DENND1B: variants seen among roughly 807,000 people sequenced by gnomAD.
The protein encoded by DENND1B is DENN domain-containing protein 1B.
A neutral mutation model predicts 90.1 loss-of-function variants in DENND1B; 59 were observed. That is an observed-to-expected ratio of 0.65 (90% CI 0.53 to 0.81). The LOEUF (loss-of-function observed/expected upper bound fraction) is 0.81. DENND1B is among the 40% of genes least tolerant of loss of function. DENND1B has a pLI of 0.00. For synonymous variants in DENND1B, 337 were observed against 324.6 expected (o/e 1.04, Z -0.41); for missense variants, 862 against 912.6 (o/e 0.94, Z 0.71).
At chr1:197,645,606 T>C (rs1400382297) in intron 9 of DENND1B, 84 bp downstream of exon 9, 1 of 665,698 alleles carries the variant, frequency 1.5e-6, no homozygotes, top group Non-Finnish European at 2.4e-6. Flanking sequence ...CCTATTTCTC[T>C]ATATAAAAAC....
intron 14 of DENND1B, among the ~76,000 whole-genome samples, chr1:197,594,323 T>C (rs1214284034): frequency 2.6e-5 from 4 of 152,128 alleles, no homozygotes; most frequent in Admixed American, 6.5e-5. Flanking sequence ...GAGTTTACAA[T>C]TGAGTTTAAC....
intron 2 of DENND1B, among the ~76,000 whole-genome samples, chr1:197,739,177 T>C (rs1255946956): frequency 6.6e-6 from 1 of 152,186 alleles, no homozygotes; most frequent in Non-Finnish European, 1.5e-5. Context: ...GAAAACCTCA[T>C]AATCAACAAG....
intron 10 of DENND1B, among the ~76,000 whole-genome samples, chr1:197,619,958 GA>G (rs1486348450): frequency 6.6e-6 from 1 of 151,056 alleles, no homozygotes; most frequent in Non-Finnish European, 1.5e-5. Flanking sequence ...ACAAGGAGAG[GA>G]AAAAATATAT....
intron 2 of DENND1B, among the ~76,000 whole-genome samples, chr1:197,753,737 A>T (rs1653877164): frequency 6.6e-6 from 1 of 152,118 alleles, no homozygotes; most frequent in African/African-American, 2.4e-5. Flanking sequence ...GCGGTGGCTC[A>T]CGCCTATAAT....
At chr1:197,513,509 A>G (rs968004739) in intron 20 of DENND1B, among the ~76,000 whole-genome samples, 3 of 55,764 alleles carry the variant, frequency 5.4e-5, no homozygotes, top group Non-Finnish European at 1.2e-4. Flanking sequence ...GGTAAGGTCA[A>G]TACTGCTGAA....
At chr1:197,669,367 C>G (rs1403863738) in intron 5 of DENND1B, among the ~76,000 whole-genome samples, 1 of 152,062 alleles carries the variant, frequency 6.6e-6, no homozygotes, top group Non-Finnish European at 1.5e-5. Context: ...GGACTAAAAG[C>G]ACCATAACTC....
At chr1:197,597,251 C>G (rs1045559246) in intron 13 of DENND1B, among the ~76,000 whole-genome samples, 1 of 151,722 alleles carries the variant, frequency 6.6e-6, no homozygotes, top group Non-Finnish European at 1.5e-5. Context: ...TCTGAAACTT[C>G]TAATGCTACT....
intron 2 of DENND1B, among the ~76,000 whole-genome samples, chr1:197,733,492 C>T (rs1329804748): frequency 1.3e-5 from 2 of 151,932 alleles, no homozygotes; most frequent in African/African-American, 4.8e-5. Context: ...GTTTTTTTTC[C>T]TCTCTCATAA....
intron 15 of DENND1B, among the ~76,000 whole-genome samples, chr1:197,580,077 T>G (rs1427279353): frequency 8.0e-6 from 1 of 124,576 alleles, no homozygotes; most frequent in Admixed American, 9.1e-5. Flanking sequence ...TTTCTTTCTT[T>G]TCTTTCTTTC....
intron 10 of DENND1B, among the ~76,000 whole-genome samples, chr1:197,624,115 A>AACACAATTCTGAAAGAACAAAGTTGGAG (rs1678428031): frequency 4.6e-5 from 7 of 151,746 alleles, no homozygotes; most frequent in Admixed American, 1.3e-4. Flanking sequence ...CAGAATAGTC[A>AACACAATTCTGAAAGAACAAAGTTGGAG]ACACAATTCT....
intron 20 of DENND1B, among the ~76,000 whole-genome samples, chr1:197,513,549 T>G (rs1668187412): frequency 6.6e-6 from 1 of 151,340 alleles, no homozygotes; most frequent in Non-Finnish European, 1.5e-5. Context: ...AATCATTAAG[T>G]TTTTGAAGCA....
intron 15 of DENND1B, among the ~76,000 whole-genome samples, chr1:197,577,211 G>C (rs929605368): frequency 6.6e-6 from 1 of 152,142 alleles, no homozygotes; most frequent in Non-Finnish European, 1.5e-5. Context: ...GACATGAACA[G>C]AGCTCTAAAG....
At chr1:197,625,573 A>C (rs1210438541) in intron 10 of DENND1B, among the ~76,000 whole-genome samples, 3 of 152,134 alleles carry the variant, frequency 2.0e-5, no homozygotes, top group Non-Finnish European at 4.4e-5. Flanking sequence ...CCAAATTGTA[A>C]AGACCATCGA....
At chr1:197,587,792 A>C (rs1674837471) in intron 14 of DENND1B, among the ~76,000 whole-genome samples, 2 of 152,244 alleles carry the variant, frequency 1.3e-5, no homozygotes, top group South Asian at 4.1e-4. Flanking sequence ...TGTAATACAT[A>C]ACGAAATAAT....
At chr1:197,735,190 A>T in intron 2 of DENND1B, 1 of 1,022,758 alleles carries the variant, frequency 9.8e-7, no homozygotes, top group Non-Finnish European at 1.2e-6. Flanking sequence ...GAATGGGTCC[A>T]ACATGCCTAC....
At chr1:197,737,021 A>G (rs1662758220) in intron 2 of DENND1B, among the ~76,000 whole-genome samples, 1 of 152,164 alleles carries the variant, frequency 6.6e-6, no homozygotes, top group South Asian at 2.1e-4. Context: ...AGACTGACTA[A>G]TTGCACATAA....
chr1:197,770,984 G>A lies in DENND1B; in HGVS notation c.82+1884C>T, dbSNP rs192376478. ...TGGAGTGTGGTGGTGCTATCTCGGC[G>A]CACTGCAACCTCCACAACCCCAGTT... On this transcript the variant is annotated intron_variant, in intron 2 of 22. Transcript: ENST00000620048. Among the ~76,000 whole-genome samples, 143 of 148,106 alleles carry A rather than the reference G, an allele frequency of 9.7e-4. 1 individual carries two copies. Among genetic ancestry groups the A allele is most frequent in the Admixed American group, 2.6e-3 (38 of 14,720 alleles).
chr1:197,547,886 T>C (rs916522976), intron 16 of DENND1B, among the ~76,000 whole-genome samples: 3 of 152,182 alleles, frequency 2.0e-5, no homozygotes, highest in Admixed American at 6.5e-5. Context: ...GTTTCTGTAT[T>C]AAAAAGCTCT....
chr1:197,654,951 T>C (rs1246301439), intron 6 of DENND1B, among the ~76,000 whole-genome samples: 1 of 152,210 alleles, frequency 6.6e-6, no homozygotes, highest in Admixed American at 6.5e-5. Context: ...CAAAGCTATA[T>C]AATTTTTAAA....
Sources: gnomAD v4.1 joint callset for allele counts (sites outside exome capture counted in the v4.1 genomes callset) on GRCh38, gnomAD v4.1.1 for gene constraint, MANE v1.5 for transcripts, NCBI Gene and HGNC (gene_info 2026-07-23, HGNC 2026-07-21) for gene names.